FHIT: variants seen among roughly 807,000 people sequenced by gnomAD.
The protein encoded by FHIT is bis(5'-adenosyl)-triphosphatase.
Under a neutral mutation model 17.9 loss-of-function variants are expected in FHIT, and 19 were observed. That is an observed-to-expected ratio of 1.06 (90% CI 0.74 to 1.56). The LOEUF is 1.56. Among genes scored for constraint, FHIT ranks in the 40% most tolerant of loss-of-function variants. The probability of loss-of-function intolerance (pLI) is 0.00; values close to 1 mark genes in which losing one functional copy is unlikely to be tolerated. For synonymous variants in FHIT, 81 were observed against 69.7 expected (o/e 1.16, Z -0.81); for missense variants, 248 against 189.2 (o/e 1.31, Z -1.82).
rs73093567 is a variant in FHIT at position 60,590,051 on chromosome 3, C to A, written c.-17-53072G>T. 4.7e-3 allele frequency among the ~76,000 whole-genome samples: 714 copies of A among 152,052 alleles called. 3 individuals carry two copies. Among genetic ancestry groups the A allele is most frequent in the Non-Finnish European group, 8.4e-3 (570 of 67,922 alleles). Reference sequence around the variant, plus strand: ...ATCTACAAGACTGCTGGAAGGAGTCCTCTTTTAATTTTACTCTTCCAAGTT... The same window carrying A: ...ATCTACAAGACTGCTGGAAGGAGTCATCTTTTAATTTTACTCTTCCAAGTT... On this transcript the variant is annotated intron_variant, in intron 4 of 9. Coordinates refer to ENST00000492590, the MANE Select transcript of FHIT (RefSeq NM_002012.4).
At chr3:60,883,890 T>C (rs953000619) in intron 3 of FHIT, among the ~76,000 whole-genome samples, 9 of 152,064 alleles carry the variant, frequency 5.9e-5, no homozygotes, top group African/African-American at 2.2e-4. Context: ...AAAGCATCTG[T>C]ACAGCAAAGG....
chr3:60,583,026 C>G (rs967833215), intron 4 of FHIT, among the ~76,000 whole-genome samples: 3 of 151,808 alleles, frequency 2.0e-5, no homozygotes, highest in Non-Finnish European at 4.4e-5. Flanking sequence ...GAGTGAGAAG[C>G]AACATGGTCC....
At chr3:60,997,510 G>A (rs1199084402) in intron 3 of FHIT, among the ~76,000 whole-genome samples, 1 of 152,212 alleles carries the variant, frequency 6.6e-6, no homozygotes, top group South Asian at 2.1e-4. Context: ...GTGTTGAGGG[G>A]GGTGTGGATG....
intron 5 of FHIT, among the ~76,000 whole-genome samples, chr3:60,120,200 G>A (rs1167342606): frequency 6.6e-6 from 1 of 152,108 alleles, no homozygotes; most frequent in Non-Finnish European, 1.5e-5. Context: ...CCTGATGTAT[G>A]CCTGTCTGTC....
intron 5 of FHIT, among the ~76,000 whole-genome samples, chr3:60,343,422 T>A (rs28610194): frequency 6.6e-6 from 1 of 152,116 alleles, no homozygotes; most frequent in Non-Finnish European, 1.5e-5. Flanking sequence ...GCTATTTAAG[T>A]ATAGCTCATA....
At chr3:61,171,560 T>G (rs1433897591) in intron 2 of FHIT, among the ~76,000 whole-genome samples, 1 of 152,142 alleles carries the variant, frequency 6.6e-6, no homozygotes, top group Admixed American at 6.6e-5. Flanking sequence ...AAACAGAAAC[T>G]AAACATAGAC....
intron 3 of FHIT, among the ~76,000 whole-genome samples, chr3:61,026,729 G>C (rs1262062968): frequency 6.6e-6 from 1 of 151,958 alleles, no homozygotes; most frequent in African/African-American, 2.4e-5. Context: ...CTTCCAATGT[G>C]GCCCAGGGAA....
chr3:59,991,773 G>A (rs908526357), intron 7 of FHIT, among the ~76,000 whole-genome samples: 4 of 151,888 alleles, frequency 2.6e-5, no homozygotes, highest in Admixed American at 6.6e-5. Context: ...GCCATATGTC[G>A]GCCAAGATGC....
chr3:60,862,256 G>A (rs925154098), intron 3 of FHIT, among the ~76,000 whole-genome samples: 1 of 151,946 alleles, frequency 6.6e-6, no homozygotes, highest in Non-Finnish European at 1.5e-5. Flanking sequence ...ATAGTTCACT[G>A]CAGCCTTGAA....
intron 3 of FHIT, among the ~76,000 whole-genome samples, chr3:60,966,086 C>A (rs1356270890): frequency 6.6e-6 from 1 of 152,168 alleles, no homozygotes; most frequent in African/African-American, 2.4e-5. Flanking sequence ...GTGGGCTCCA[C>A]CCATTTCGAG....
chr3:60,552,592 T>G, intron 4 of FHIT, among the ~76,000 whole-genome samples: 1 of 152,148 alleles, frequency 6.6e-6, no homozygotes, highest in East Asian at 1.9e-4. Context: ...ATTCCTAACG[T>G]ATAGTGAAGG....
intron 8 of FHIT, among the ~76,000 whole-genome samples, chr3:59,875,906 C>T (rs1344836506): frequency 6.6e-6 from 1 of 150,712 alleles, no homozygotes; most frequent in African/African-American, 2.4e-5. Context: ...AGCACATATG[C>T]CCTCAGGATG....
intron 5 of FHIT, among the ~76,000 whole-genome samples, chr3:60,162,696 T>C (rs1452789704): frequency 6.6e-6 from 1 of 152,128 alleles, no homozygotes; most frequent in East Asian, 1.9e-4. Context: ...TCACAATTAA[T>C]ATGAGGAGAA....
intron 3 of FHIT, among the ~76,000 whole-genome samples, chr3:60,878,756 T>G (rs1553757204): frequency 6.6e-6 from 1 of 152,140 alleles, no homozygotes; most frequent in Non-Finnish European, 1.5e-5. Context: ...TTTTTGTCCT[T>G]GCAATAATTT....
intron 4 of FHIT, among the ~76,000 whole-genome samples, chr3:60,554,606 T>C (rs1293993397): frequency 2.0e-5 from 3 of 152,194 alleles, no homozygotes; most frequent in Admixed American, 6.5e-5. Flanking sequence ...GTAGCATCCC[T>C]TTATCAGAGC....
intron 5 of FHIT, among the ~76,000 whole-genome samples, chr3:60,381,957 T>C (rs1042881585): frequency 3.1e-4 from 45 of 143,962 alleles, no homozygotes; most frequent in Admixed American, 1.6e-3. Context: ...CAAGTAGGTA[T>C]TTACATTAAA....
At chr3:60,530,595 A>T (rs1299535438) in intron 5 of FHIT, among the ~76,000 whole-genome samples, 1 of 152,196 alleles carries the variant, frequency 6.6e-6, no homozygotes, top group Non-Finnish European at 1.5e-5. Context: ...TGCCCATCAC[A>T]GTTACTGCCT....
rs372416781 is a variant in FHIT at position 59,803,306 on chromosome 3, T to TAAAG, written c.349-50989_349-50986dup. 8.5e-5 allele frequency among the ~76,000 whole-genome samples: 13 copies of TAAAG among 152,274 alleles called. No homozygotes were observed. In the East Asian group the frequency reaches 2.5e-3, roughly 29 times the overall value. On this transcript the variant is annotated intron_variant, in intron 8 of 9. Transcript: ENST00000492590. ...CAAGTTGTAGGGACAGAAAGAAGACTAAAGAATGAGGACCTTACAGGCGAG... is the reference window on the plus strand; with the variant it reads ...CAAGTTGTAGGGACAGAAAGAAGACTAAAGAAAGAATGAGGACCTTACAGGCGAG...
At chr3:60,810,294 T>C (rs1553735713) in intron 4 of FHIT, among the ~76,000 whole-genome samples, 1 of 152,212 alleles carries the variant, frequency 6.6e-6, no homozygotes, top group East Asian at 1.9e-4. Flanking sequence ...GAAGGAATAG[T>C]CCTTTAGTCA....
Sources: allele counts gnomAD v4.1 joint callset (sites outside exome capture counted in the v4.1 genomes callset), GRCh38; gene constraint gnomAD v4.1.1; transcripts MANE v1.5; gene names NCBI Gene and HGNC (gene_info 2026-07-23, HGNC 2026-07-21).